RAB43: variants seen among roughly 807,000 people sequenced by gnomAD.
RAB43 encodes the protein RAB43, member RAS oncogene family.
In RAB43, 6 loss-of-function variants were observed where a neutral mutation model predicts 18.8. That is an observed-to-expected ratio of 0.32 (90% CI 0.17 to 0.63). RAB43 has a LOEUF of 0.63. Among genes scored for constraint, RAB43 ranks in the 30% least tolerant of loss-of-function variants. The probability of loss-of-function intolerance (pLI) is 0.79; values close to 1 mark genes in which losing one functional copy is unlikely to be tolerated. For missense variants in RAB43, 195 were observed against 289.1 expected, an observed-to-expected ratio of 0.67 and a Z score of 2.36; for synonymous variants, 103 against 124.1, an observed-to-expected ratio of 0.83 and a Z score of 1.13.
At chr3:129,121,055 TCCA>T (rs149024358) in intron 1 of RAB43, among the ~76,000 whole-genome samples, 1,677 of 110,238 alleles carry the variant, frequency 0.015, 21 homozygotes, top group Non-Finnish European at 0.022. Flanking sequence ...GGCCGCCTCC[TCCA>T]CACTCCCTCG....
Position 129,106,843 on chromosome 3 carries a change from A to G in RAB43, c.205-11674T>C, listed in dbSNP as rs188803299. 2.7e-4 allele frequency among the ~76,000 whole-genome samples: 41 copies of G among 152,296 alleles called. No individual in the cohort carries two copies. The East Asian group carries it at 7.9e-3, about 29-fold the overall frequency. On this transcript the variant is annotated intron_variant, in intron 1 of 2. Coordinates refer to ENST00000315150, the MANE Select transcript of RAB43 (RefSeq NM_198490.3). The stretch of plus-strand genomic sequence containing the variant: ...CTTTCTTTGTCCCTTGTTACAATGC[A>G]GCTCTCCTTGGGAGGCTTGGTGGCG...
At position 129,120,780 on chromosome 3, in the gene RAB43, A is replaced by G. The variant is rs548851859; in HGVS notation, c.204+506T>C. ...GTGGCCAGGCCGGAAATTCTGACAA[A>G]AAGTTTTGGCCCTCTGGTCCTAAAA... On this transcript the variant is annotated intron_variant, in intron 1 of 2. Transcript: ENST00000315150. 2.6e-5 allele frequency among the ~76,000 whole-genome samples: 4 copies of G among 152,090 alleles called. No homozygotes were observed. In the South Asian group the frequency reaches 8.3e-4, roughly 32 times the overall value.
At chr3:129,106,702 C>T (rs751122539) in intron 1 of RAB43, among the ~76,000 whole-genome samples, 1 of 152,066 alleles carries the variant, frequency 6.6e-6, no homozygotes, top group Non-Finnish European at 1.5e-5. Context: ...AGTCTGGTGT[C>T]GGGGGCACAA....
At chr3:129,094,546 GCT>G (rs1371897510) in intron 2 of RAB43, among the ~76,000 whole-genome samples, 110 of 75,586 alleles carry the variant, frequency 1.5e-3, no homozygotes, top group Middle Eastern at 0.018. Flanking sequence ...GACGAATCTT[GCT>G]CTGTCACCCA....
intron 1 of RAB43, among the ~76,000 whole-genome samples, chr3:129,105,823 C>A (rs967931724): frequency 6.6e-6 from 1 of 151,740 alleles, no homozygotes; most frequent in African/African-American, 2.4e-5. Context: ...AAACAAAAAG[C>A]GGGCTTTGTA....
At chr3:129,120,993 A>G (rs1029757335) in intron 1 of RAB43, among the ~76,000 whole-genome samples, 2 of 151,710 alleles carry the variant, frequency 1.3e-5, no homozygotes, top group Non-Finnish European at 2.9e-5. Flanking sequence ...TCCAATGGCT[A>G]AAGTTATTTT....
chr3:129,114,325 G>A (rs1261840000), intron 1 of RAB43, among the ~76,000 whole-genome samples: 1 of 152,184 alleles, frequency 6.6e-6, no homozygotes, highest in African/African-American at 2.4e-5. Context: ...GTGGGTTTGT[G>A]TGTGTTTGCG....
chr3:129,105,187 AC>A (rs1181014882), intron 1 of RAB43, among the ~76,000 whole-genome samples: 1 of 152,186 alleles, frequency 6.6e-6, no homozygotes, highest in Non-Finnish European at 1.5e-5. Context: ...TGCCGGCCAA[AC>A]AAAACAGGCT....
At chr3:129,096,100 G>A (rs796639027) in intron 1 of RAB43, among the ~76,000 whole-genome samples, 3 of 152,350 alleles carry the variant, frequency 2.0e-5, no homozygotes, top group African/African-American at 7.2e-5. Context: ...CGTGTGCCAA[G>A]CTGCAGGTCC....
chr3:129,108,651 A>C (rs542126800), intron 1 of RAB43, among the ~76,000 whole-genome samples: 8 of 152,312 alleles, frequency 5.3e-5, no homozygotes, highest in African/African-American at 1.9e-4. Context: ...ACCATAACTA[A>C]GCTCGACAGA....
chr3:129,121,759 C>A lies in RAB43; in HGVS notation c.-270G>T. On this transcript the variant is annotated 5_prime_UTR_variant, in exon 1 of 3. The change creates a new upstream start codon in the 5' untranslated region. Coordinates refer to ENST00000315150, the MANE Select transcript of RAB43 (RefSeq NM_198490.3). ...CCCCCCGGACCCGCCAAGCCGGGCC[C>A]TCCGCAAAGCTCCGGCCGGTCCTCA... 4.3e-6 allele frequency: 1 copy of A among 233,080 alleles called. No individual in the cohort carries two copies. The highest frequency in any genetic ancestry group is 8.2e-6 in the Non-Finnish European group (1 of 121,954). 14.4% of individuals were successfully genotyped at this position (233,080 alleles called of 1,614,324 possible).
chr3:129,113,175 T>A (rs955978845), intron 1 of RAB43, among the ~76,000 whole-genome samples: 3 of 150,602 alleles, frequency 2.0e-5, no homozygotes, highest in African/African-American at 7.3e-5. Context: ...TTATTATTTT[T>A]TTTTTTTCGA....
intron 1 of RAB43, among the ~76,000 whole-genome samples, chr3:129,103,570 T>C (rs1469675350): frequency 7.3e-6 from 1 of 136,952 alleles, no homozygotes; most frequent in African/African-American, 2.6e-5. Context: ...CCATCTATGC[T>C]TTTTTTTTTT....
At chr3:129,103,959 C>T (rs1293095371) in intron 1 of RAB43, among the ~76,000 whole-genome samples, 1 of 152,154 alleles carries the variant, frequency 6.6e-6, no homozygotes, top group African/African-American at 2.4e-5. Flanking sequence ...CACACACACA[C>T]ATGCACACAC....
chr3:129,104,170 C>A (rs1257516123), intron 1 of RAB43, among the ~76,000 whole-genome samples: 1 of 152,214 alleles, frequency 6.6e-6, no homozygotes, highest in Non-Finnish European at 1.5e-5. Flanking sequence ...GCGAGCTGTA[C>A]ATTGTTATGG....
At position 129,105,460 on chromosome 3, in the gene RAB43, AAAC is replaced by A. The variant is rs1244659733; in HGVS notation, c.205-10294_205-10292del. On this transcript the variant is annotated intron_variant, in intron 1 of 2. Coordinates refer to ENST00000315150, the MANE Select transcript of RAB43 (RefSeq NM_198490.3). ...AGAGTGAAACTTCATCTCAAAAAAC[AAAC>A]AACAACAACAAAACAAAACAAAACA... Among the ~76,000 whole-genome samples, 5 of 151,548 alleles carry A rather than the reference AAAC, an allele frequency of 3.3e-5. No homozygotes were observed. The South Asian group carries it at 6.2e-4, about 19-fold the overall frequency.
chr3:129,099,464 G>A (rs923893408), intron 1 of RAB43, among the ~76,000 whole-genome samples: 8 of 151,644 alleles, frequency 5.3e-5, no homozygotes, highest in Admixed American at 1.3e-4. Flanking sequence ...TTCGCTCACC[G>A]CAACCTCCGC....
intron 2 of RAB43, 151 bp from the exon 3 acceptor site, chr3:129,091,497 CTT>C: frequency 9.4e-7 from 1 of 1,066,452 alleles, no homozygotes; most frequent in Non-Finnish European, 1.3e-6. Flanking sequence ...TTTAAAAAAC[CTT>C]TTTTAGGCCG....
In RAB43 at chr3:129,094,775, C is replaced by T. The variant is rs377541662; in HGVS notation, c.388+211G>A. ...CTTGTGATCCGCCCGCCTCAGCCTC[C>T]CAAAGTGCTGGGACTACAGGCGTGA... is the stretch of plus-strand genomic sequence containing the variant. On this transcript the variant is annotated intron_variant, in intron 2 of 2. Transcript: ENST00000315150. Among the ~76,000 whole-genome samples, 3 of 152,148 alleles carry T rather than the reference C, an allele frequency of 2.0e-5. No individual in the cohort carries two copies. The South Asian group carries it at 6.2e-4, about 32-fold the overall frequency.
Sources: gnomAD v4.1 joint callset for allele counts (sites outside exome capture counted in the v4.1 genomes callset) on GRCh38, gnomAD v4.1.1 for gene constraint, MANE v1.5 for transcripts, NCBI Gene and HGNC (gene_info 2026-07-23, HGNC 2026-07-21) for gene names.